The following RAB10 variants were observed in gnomAD, a reference collection of about 807,000 sequenced individuals.
RAB10 encodes RAB10, member RAS oncogene family, also known as ras-related protein Rab-10.
Under a neutral mutation model 25.7 loss-of-function variants are expected in RAB10, and 5 were observed. The ratio of observed to expected loss-of-function variants is 0.19; its 90% CI spans 0.10 to 0.41. The LOEUF (loss-of-function observed/expected upper bound fraction) is 0.41. Ranked by LOEUF, RAB10 falls within the 10% of genes least tolerant of loss-of-function variation. RAB10 has a pLI of 1.00. For synonymous variants in RAB10, 89 were observed against 86.4 expected, an observed-to-expected ratio of 1.03 and a Z score of -0.16; for missense variants, 103 against 245.8, an observed-to-expected ratio of 0.42 and a Z score of 3.89.
intron 1 of RAB10, among the ~76,000 whole-genome samples, chr2:26,039,959 T>C (rs991698638): frequency 2.6e-5 from 4 of 152,144 alleles, no homozygotes; most frequent in Non-Finnish European, 5.9e-5. Flanking sequence ...ATGTATATTA[T>C]GTAATGAAAA....
At position 26,134,850 on chromosome 2, in the gene RAB10, A is replaced by G. The variant is rs1047244796; in HGVS notation, c.520-88A>G. The G allele has an allele frequency of 2.6e-5, 27 of 1,025,536 alleles. No homozygotes were observed. In the African/African-American group the frequency reaches 4.2e-4, roughly 16 times the overall value. 63.5% of individuals were successfully genotyped at this position (1,025,536 alleles called of 1,614,324 possible). A position where few individuals can be genotyped will look rare whatever the true frequency, so the allele number is the denominator to read the frequency against. On this transcript the variant is annotated intron_variant, in intron 5 of 5. Coordinates refer to ENST00000264710, the MANE Select transcript of RAB10 (RefSeq NM_016131.5). ...GATTGTAGTTGTATTTTGTTGTATA[A>G]ATTGACATAAGAATATTCCTGTTGA...
chr2:26,126,904 C>T (rs1667919365), intron 3 of RAB10, among the ~76,000 whole-genome samples: 1 of 152,186 alleles, frequency 6.6e-6, no homozygotes, highest in Admixed American at 6.5e-5. Context: ...AGAAAGTAGA[C>T]AGCCTCCTTT....
At chr2:26,094,209 A>C (rs1025061298) in intron 1 of RAB10, among the ~76,000 whole-genome samples, 5 of 145,758 alleles carry the variant, frequency 3.4e-5, no homozygotes, top group African/African-American at 1.3e-4. Context: ...CTTAAAAAAA[A>C]AGCCCCCTTA....
chr2:26,093,217 G>T (rs1271748866), intron 1 of RAB10, among the ~76,000 whole-genome samples: 1 of 152,110 alleles, frequency 6.6e-6, no homozygotes, highest in African/African-American at 2.4e-5. Flanking sequence ...CCTACCCCAG[G>T]ACCTCTTTGC....
intron 1 of RAB10, among the ~76,000 whole-genome samples, chr2:26,052,687 A>T (rs182368815): frequency 2.4e-4 from 36 of 152,132 alleles, no homozygotes; most frequent in African/African-American, 8.2e-4. Flanking sequence ...TTCATTGTAC[A>T]CATTTGTATT....
intron 1 of RAB10, among the ~76,000 whole-genome samples, chr2:26,057,465 A>G (rs1341286050): frequency 6.6e-6 from 1 of 152,014 alleles, no homozygotes; most frequent in Non-Finnish European, 1.5e-5. Context: ...AATAAAAACT[A>G]TAAGGAATAT....
intron 3 of RAB10, 106 bp from the exon 4 acceptor site, chr2:26,127,038 A>G: frequency 3.7e-6 from 3 of 821,032 alleles, no homozygotes; most frequent in East Asian, 2.7e-5. Context: ...TAAAACTTCA[A>G]AGCTATAGAA....
At chr2:26,040,867 A>G (rs373028805) in intron 1 of RAB10, among the ~76,000 whole-genome samples, 26 of 152,270 alleles carry the variant, frequency 1.7e-4, no homozygotes, top group African/African-American at 5.8e-4. Flanking sequence ...GAATTTTTCT[A>G]TATATTTTCA....
intron 4 of RAB10, 179 bp downstream of exon 4, chr2:26,127,412 G>A: frequency 1.8e-6 from 1 of 558,622 alleles, no homozygotes; most frequent in South Asian, 2.6e-5. Flanking sequence ...TATTTAACAT[G>A]TATGGGAGAA....
intron 1 of RAB10, among the ~76,000 whole-genome samples, chr2:26,085,253 C>T (rs1030957293): frequency 6.6e-6 from 1 of 152,080 alleles, no homozygotes; most frequent in Non-Finnish European, 1.5e-5. Context: ...CTTTGGGAGG[C>T]AGAGGCGGGT....
At chr2:26,113,249 AC>A (rs931790738) in intron 3 of RAB10, among the ~76,000 whole-genome samples, 2 of 152,074 alleles carry the variant, frequency 1.3e-5, no homozygotes, top group Non-Finnish European at 2.9e-5. Flanking sequence ...CACAGAAAAA[AC>A]ATTTGACAAA....
intron 1 of RAB10, among the ~76,000 whole-genome samples, chr2:26,076,172 A>G (rs1269061249): frequency 6.6e-6 from 1 of 150,576 alleles, no homozygotes; most frequent in African/African-American, 2.4e-5. Flanking sequence ...TCCCCATAAC[A>G]TATTGGAGAT....
intron 1 of RAB10, among the ~76,000 whole-genome samples, chr2:26,036,345 G>A (rs943045801): frequency 4.6e-5 from 7 of 152,140 alleles, no homozygotes; most frequent in African/African-American, 1.4e-4. Flanking sequence ...GTTTGAGTAG[G>A]CTTACGTGGA....
chr2:26,131,963 A>G (rs1252359407), intron 5 of RAB10, among the ~76,000 whole-genome samples: 1 of 152,254 alleles, frequency 6.6e-6, no homozygotes, highest in Non-Finnish European at 1.5e-5. Context: ...TGTGTAGTAC[A>G]TAATCTTGTA....
chr2:26,036,720 T>C (rs1179479901), intron 1 of RAB10, among the ~76,000 whole-genome samples: 1 of 152,072 alleles, frequency 6.6e-6, no homozygotes, highest in Non-Finnish European at 1.5e-5. Context: ...AGGGGTAGGA[T>C]AGGGCCTTTC....
chr2:26,098,863 A>AT, intron 2 of RAB10, 141 bp downstream of exon 2: 2 of 648,950 alleles, frequency 3.1e-6, no homozygotes, highest in South Asian at 4.0e-5. Flanking sequence ...TTTGTGCAGT[A>AT]AAAACCATTG....
intron 1 of RAB10, among the ~76,000 whole-genome samples, chr2:26,066,940 G>T (rs1199084937): frequency 6.6e-6 from 1 of 151,884 alleles, no homozygotes; most frequent in Non-Finnish European, 1.5e-5. Flanking sequence ...ATGCCACCAC[G>T]CCAGGCTAAT....
chr2:26,089,090 G>GAA lies in RAB10; in HGVS notation c.128-9572_128-9571insAA, dbSNP rs1429222302. On this transcript the variant is annotated intron_variant, in intron 1 of 5. Transcript: ENST00000264710. ...AACTGGAGGGAATAAGACTGGAGAG[G>GAA]TGGCTTGGGGCCATGCTCAGAAATA... Among the ~76,000 whole-genome samples the GAA allele has an allele frequency of 2.6e-5, 4 of 152,146 alleles. No homozygotes were observed. The East Asian group carries it at 7.7e-4, about 29-fold the overall frequency.
rs150483435 is a variant in RAB10, at chr2:26,092,043, G to A, written c.128-6619G>A. On this transcript the variant is annotated intron_variant, in intron 1 of 5. Transcript: ENST00000264710. Reference sequence around the variant, plus strand: ...AGAAGTTAGCCATGTGTGGTGGTGCGTGCCTGTAGTCCCAGCTTCTCAGGA... The same window carrying A: ...AGAAGTTAGCCATGTGTGGTGGTGCATGCCTGTAGTCCCAGCTTCTCAGGA... Among the ~76,000 whole-genome samples, 749 of 152,050 alleles carry A rather than the reference G, an allele frequency of 4.9e-3. 5 individuals carry two copies. The highest frequency in any genetic ancestry group is 0.017 in the African/African-American group (705 of 41,488).
Sources: gnomAD v4.1 joint callset for allele counts (sites outside exome capture counted in the v4.1 genomes callset) on GRCh38, gnomAD v4.1.1 for gene constraint, MANE v1.5 for transcripts, NCBI Gene and HGNC (gene_info 2026-07-23, HGNC 2026-07-21) for gene names.